ZNF567: variants seen among roughly 807,000 people sequenced by gnomAD.
ZNF567 encodes the protein zinc finger protein 567.
A neutral mutation model predicts 53.9 loss-of-function variants in ZNF567; 36 were observed. That is an observed-to-expected ratio of 0.67 (90% CI 0.51 to 0.88). The LOEUF is 0.88. ZNF567 is among the 40% of genes least tolerant of loss of function. The probability of loss-of-function intolerance (pLI) is 0.00; values close to 1 mark genes in which losing one functional copy is unlikely to be tolerated. For missense variants in ZNF567, 619 were observed against 764.7 expected (o/e 0.81, Z 2.25); for synonymous variants, 224 against 260.4 (o/e 0.86, Z 1.35).
intron 3 of ZNF567, among the ~76,000 whole-genome samples, chr19:36,706,728 C>T (rs2039514469): frequency 7.5e-6 from 1 of 134,210 alleles, no homozygotes; most frequent in Non-Finnish European, 1.5e-5. Flanking sequence ...GACTGGAGGG[C>T]AGTGGTGCAA....
chr19:36,673,213 TA>T, the ZNF567 span, among the ~76,000 whole-genome samples: 1 of 152,212 alleles, frequency 6.6e-6, no homozygotes, highest in African/African-American at 2.4e-5. Context: ...TGTATCATGT[TA>T]AGCAGAAGTA....
rs200738092 is a variant in ZNF567 at position 36,715,478 on chromosome 19, AAATAAT to A, written c.223+2639_223+2644del. 1.8e-3 allele frequency among the ~76,000 whole-genome samples: 215 copies of A among 120,424 alleles called. 2 individuals are homozygous for A. The highest frequency in any genetic ancestry group is 4.3e-3 in the Middle Eastern group (1 of 234). The allele number at this position is 120,424 out of a possible 152,430, so 79.0% of individuals were successfully genotyped here. ...GCCTGGCCTCCCATTATTTAACTCA[AAATAAT>A]AATAATAATAATAATAATAATAATA... On this transcript the variant is annotated intron_variant, in intron 5 of 5. Transcript: ENST00000682579.
At chr19:36,682,577 T>G in the ZNF567 span, among the ~76,000 whole-genome samples, 817 of 145,094 alleles carry the variant, frequency 5.6e-3, 19 homozygotes, top group Admixed American at 0.036. Context: ...GTTGCATGGG[T>G]TTTTTTTTTA....
At position 36,720,139 on chromosome 19, in the gene ZNF567, C is replaced by T; in HGVS notation, c.1415C>T (p.Thr472Ile). 1 of 1,613,902 alleles carries T rather than the reference C, an allele frequency of 6.2e-7. No homozygotes were observed. The highest frequency in any genetic ancestry group is 1.1e-5 in the South Asian group (1 of 91,072). ...CTTGTAGCACATCAGAGAACACATA[C>T]AGGGGAGAAATCTTATGAATGTCCT... ...TTLVAHQRTH[T>I]GEKSYECPHC... Residue 472 changes from threonine (T) to isoleucine (I), a missense_variant, in exon 6 of 6, where the codon ACA (threonine) becomes ATA (isoleucine). Transcript: ENST00000682579.
At chr19:36,675,550 G>A in the ZNF567 span, among the ~76,000 whole-genome samples, 3 of 152,200 alleles carry the variant, frequency 2.0e-5, no homozygotes, top group African/African-American at 7.2e-5. Flanking sequence ...GCGTGCACCT[G>A]TAATCCCAGC....
Position 36,691,123 on chromosome 19 carries a change from G to A in ZNF567, c.-67+1626G>A, listed in dbSNP as rs143552590. 2.1e-3 allele frequency among the ~76,000 whole-genome samples: 316 copies of A among 152,260 alleles called. 1 individual carries two copies. The highest frequency in any genetic ancestry group is 7.4e-3 in the African/African-American group (306 of 41,550). ...CAGTTGCATGGATTTATGGAGAAGG[G>A]CCTCCAGGATACTTTGGATTTTTTT... On this transcript the variant is annotated intron_variant, in intron 2 of 5. Transcript: ENST00000682579.
rs773247008 is a variant in ZNF567 at position 36,719,340 on chromosome 19, C to T, written c.616C>T (p.Pro206Ser). 1.2e-6 allele frequency: 2 copies of T among 1,613,498 alleles called. No individual in the cohort carries two copies. Among genetic ancestry groups the T allele is most frequent in the Middle Eastern group, 1.7e-4 (1 of 6,054 alleles). Reference protein sequence around the residue: ...VLMQYQKTETPAQSFGYNDCE... With the variant: ...VLMQYQKTETSAQSFGYNDCE... ...TATGCAGTATCAGAAAACGGAAACT[C>T]CAGCACAGTCATTTGGATATAATGA... Residue 206 changes from proline (P) to serine (S), a missense_variant, in exon 6 of 6, where the codon CCA (proline) becomes TCA (serine). Coordinates refer to ENST00000682579, the MANE Select transcript of ZNF567 (RefSeq NM_001322917.1).
chr19:36,712,558 CA>C, intron 4 of ZNF567, 46 bp downstream of exon 4: 1 of 1,609,790 alleles, frequency 6.2e-7, no homozygotes. Context: ...CACTTCCTCT[CA>C]AAGTGCCTAA....
the ZNF567 span, among the ~76,000 whole-genome samples, chr19:36,680,762 C>T: frequency 1.3e-5 from 2 of 152,166 alleles, no homozygotes; most frequent in South Asian, 2.1e-4. Flanking sequence ...GTAGCCATTC[C>T]TTGACCATTC....
the ZNF567 span, among the ~76,000 whole-genome samples, chr19:36,670,827 C>T: frequency 1.3e-5 from 2 of 152,094 alleles, no homozygotes; most frequent in Non-Finnish European, 2.9e-5. Context: ...CTGGGCCGGG[C>T]GTGGTGGCTC....
upstream of ZNF567, among the ~76,000 whole-genome samples, chr19:36,684,574 T>G (rs1295551883): frequency 6.6e-6 from 1 of 152,130 alleles, no homozygotes; most frequent in Non-Finnish European, 1.5e-5. Context: ...CACAACGAGT[T>G]CCTCTTATCA....
At chr19:36,694,612 G>A (rs2145600166) in intron 2 of ZNF567, among the ~76,000 whole-genome samples, 190 bp from the exon 3 acceptor site, 1 of 152,274 alleles carries the variant, frequency 6.6e-6, no homozygotes, top group Non-Finnish European at 1.5e-5. Context: ...TGCCCCAAAA[G>A]CCTGTATCTC....
rs1568720259 is a variant in ZNF567 at position 36,720,200 on chromosome 19, C to G, written c.1476C>G (p.Leu492=). 4.3e-6 allele frequency: 7 copies of G among 1,614,086 alleles called. No homozygotes were observed. The highest frequency in any genetic ancestry group is 5.9e-6 in the Non-Finnish European group (7 of 1,180,024). The change falls in exon 6 of 6, where the codon CTC becomes CTG. Residue 492 remains leucine, a synonymous_variant. Transcript: ENST00000682579. ...AGGCCTTTAGAATGAAGTCATACCT[C>G]ATTGATCATCACCGAACTCACACAG... ...CGKAFRMKSY[L]IDHHRTHTGE...
At chr19:36,707,648 G>A (rs1001754809) in intron 3 of ZNF567, among the ~76,000 whole-genome samples, 2 of 152,250 alleles carry the variant, frequency 1.3e-5, no homozygotes, top group South Asian at 4.1e-4. Context: ...TGTGATCTCA[G>A]CTCACTGCAA....
At chr19:36,698,297 G>A (rs1260946981) in intron 3 of ZNF567, among the ~76,000 whole-genome samples, 1 of 151,526 alleles carries the variant, frequency 6.6e-6, no homozygotes, top group South Asian at 2.1e-4. Context: ...GTGTATATGT[G>A]CCACATTTTC....
At chr19:36,721,579 G>T (rs761129982), downstream of ZNF567, among the ~76,000 whole-genome samples, 1 of 152,016 alleles carries the variant, frequency 6.6e-6, no homozygotes, top group African/African-American at 2.4e-5. Context: ...AAGCAAATTC[G>T]TATTGGAGGG....
At chr19:36,704,281 G>A (rs2039375965) in intron 3 of ZNF567, among the ~76,000 whole-genome samples, 1 of 152,052 alleles carries the variant, frequency 6.6e-6, no homozygotes, top group African/African-American at 2.4e-5. Flanking sequence ...AAAATTATCT[G>A]GATGTGGTGG....
intron 3 of ZNF567, among the ~76,000 whole-genome samples, chr19:36,706,623 A>G (rs2039500752): frequency 6.7e-6 from 1 of 150,114 alleles, no homozygotes; most frequent in Non-Finnish European, 1.5e-5. Context: ...GGACACATTC[A>G]AACTATAGTA....
At position 36,719,285 on chromosome 19, in the gene ZNF567, T is replaced by G. The variant is rs777520634; in HGVS notation, c.561T>G (p.Ser187Arg). 6.2e-7 allele frequency: 1 copy of G among 1,614,042 alleles called. No individual in the cohort carries two copies. The highest frequency in any genetic ancestry group is 8.5e-7 in the Non-Finnish European group (1 of 1,179,998). ...THPEVKSHNQ[S>R]ARAFSHNEVL... The stretch of plus-strand genomic sequence containing the variant: ...CTGAAGTCAAATCCCATAATCAAAG[T>G]GCCAGAGCTTTCAGTCATAATGAAG... The change falls in exon 6 of 6, where the codon AGT (serine) becomes AGG (arginine). Residue 187 changes from serine (S) to arginine (R), a missense_variant. Transcript: ENST00000682579.
Sources: allele counts gnomAD v4.1 joint callset (sites outside exome capture counted in the v4.1 genomes callset), GRCh38; gene constraint gnomAD v4.1.1; transcripts MANE v1.5; gene names NCBI Gene and HGNC (gene_info 2026-07-23, HGNC 2026-07-21).